Variants in LCA5L observed in about 807,000 individuals in gnomAD.
LCA5L encodes the protein lebercilin LCA5 like.
A neutral mutation model predicts 45.4 loss-of-function variants in LCA5L; 35 were observed. The ratio of observed to expected loss-of-function variants is 0.77; its 90% CI spans 0.59 to 1.02. The LOEUF is 1.02. Ranked by LOEUF, LCA5L falls within the 50% of genes least tolerant of loss-of-function variation. The probability of loss-of-function intolerance (pLI) is 0.00; values close to 1 mark genes in which losing one functional copy is unlikely to be tolerated. For synonymous variants in LCA5L, 233 were observed against 264.7 expected (o/e 0.88, Z 1.16); for missense variants, 668 against 761.6 (o/e 0.88, Z 1.45).
At chr21:39,435,932 C>T (rs1209333805) in intron 2 of LCA5L, among the ~76,000 whole-genome samples, 2 of 152,152 alleles carry the variant, frequency 1.3e-5, no homozygotes, top group African/African-American at 4.8e-5. Context: ...GCTACTGCAC[C>T]TGGCCACAGG....
intron 2 of LCA5L, among the ~76,000 whole-genome samples, chr21:39,442,774 G>A (rs1393009169): frequency 6.6e-6 from 1 of 152,256 alleles, no homozygotes; most frequent in African/African-American, 2.4e-5. Flanking sequence ...ACACTGTCAC[G>A]CAGCTAGCTG....
intron 7 of LCA5L, among the ~76,000 whole-genome samples, chr21:39,415,621 A>G (rs935204430): frequency 6.6e-6 from 1 of 152,174 alleles, no homozygotes; most frequent in Non-Finnish European, 1.5e-5. Flanking sequence ...CACATAATCA[A>G]ATATCCAGTT....
At chr21:39,429,971 C>T (rs2075497199) in intron 3 of LCA5L, among the ~76,000 whole-genome samples, 1 of 152,080 alleles carries the variant, frequency 6.6e-6, no homozygotes, top group South Asian at 2.1e-4. Flanking sequence ...GCTGTGATCG[C>T]GGCACTGCAT....
chr21:39,443,527 T>C (rs918716991), intron 2 of LCA5L: 1 of 152,226 alleles, frequency 6.6e-6, no homozygotes, highest in African/African-American at 2.4e-5. Flanking sequence ...AGCTGAAGAA[T>C]GAGGGGATTC....
chr21:39,429,202 C>A lies in LCA5L; in HGVS notation c.-82G>T, dbSNP rs2075374615. 1 of 152,154 alleles carries A rather than the reference C, an allele frequency of 6.6e-6. No homozygotes were observed. Among genetic ancestry groups the A allele is most frequent in the African/African-American group, 2.4e-5 (1 of 41,446 alleles). The allele number at this position is 152,154 out of a possible 1,614,324, so 9.4% of individuals were successfully genotyped here. A position where few individuals can be genotyped will look rare whatever the true frequency, so the allele number is the denominator to read the frequency against. ...AAAGGATTTACCTTTTCATTTAATTCTCAATTCTCCTGTTTTATCAAGAAA... is the reference window on the plus strand; with the variant it reads ...AAAGGATTTACCTTTTCATTTAATTATCAATTCTCCTGTTTTATCAAGAAA... On this transcript the variant is annotated 5_prime_UTR_variant, in exon 4 of 11. Coordinates refer to ENST00000288350, the MANE Select transcript of LCA5L (RefSeq NM_152505.4).
At chr21:39,424,390 A>G (rs1227868756) in intron 5 of LCA5L, among the ~76,000 whole-genome samples, 7 of 152,136 alleles carry the variant, frequency 4.6e-5, no homozygotes, top group African/African-American at 1.7e-4. Flanking sequence ...CCTTGGCGGG[A>G]GGATCCCTTG....
At chr21:39,422,898 G>C (rs774851605) in intron 6 of LCA5L, 78 bp downstream of exon 6, 1 of 1,280,898 alleles carries the variant, frequency 7.8e-7, no homozygotes, top group Non-Finnish European at 1.1e-6. Flanking sequence ...TTACAGAGGG[G>C]GCGCATCCAT....
At chr21:39,407,499 C>T (rs140843048) in intron 10 of LCA5L, among the ~76,000 whole-genome samples, 2 of 152,246 alleles carry the variant, frequency 1.3e-5, no homozygotes, top group East Asian at 3.9e-4. Context: ...ATAAGTGCAA[C>T]GATGTTCACT....
rs181163211 is a variant in LCA5L, at chr21:39,413,442, A to G, written c.976-1640T>C. Among the ~76,000 whole-genome samples, 323 of 152,332 alleles carry G rather than the reference A, an allele frequency of 2.1e-3. 1 individual carries two copies. Among genetic ancestry groups the G allele is most frequent in the South Asian group, 6.8e-3 (33 of 4,830 alleles). ...CCTAATTTGTGGGACTGGGGCTCAT[A>G]AGGAAGTATGGCTTAGTTACAGAAA... On this transcript the variant is annotated intron_variant, in intron 7 of 10. Transcript: ENST00000288350.
intron 2 of LCA5L, chr21:39,438,776 G>C (rs2076528449): frequency 7.0e-6 from 1 of 142,074 alleles, no homozygotes; most frequent in Admixed American, 6.8e-5. Flanking sequence ...TATTATAACT[G>C]TGATGAATAC....
rs142268516 is a variant in LCA5L at position 39,431,806 on chromosome 21, G to A, written c.-91-2595C>T. 6.3e-3 allele frequency among the ~76,000 whole-genome samples: 965 copies of A among 152,240 alleles called. 12 individuals carry two copies. Among genetic ancestry groups the A allele is most frequent in the African/African-American group, 0.019 (782 of 41,532 alleles). On this transcript the variant is annotated intron_variant, in intron 3 of 10. Coordinates refer to ENST00000288350, the MANE Select transcript of LCA5L (RefSeq NM_152505.4). ...GCTGGGATTACAGGTGTAAGCCAGCGCGCCTGGCCTGCCATAAATTTTCTA... is the reference window on the plus strand; with the variant it reads ...GCTGGGATTACAGGTGTAAGCCAGCACGCCTGGCCTGCCATAAATTTTCTA...
chr21:39,422,168 C>T (rs1005525548), intron 6 of LCA5L: 1 of 152,262 alleles, frequency 6.6e-6, no homozygotes, highest in Admixed American at 6.5e-5. Flanking sequence ...GTGGAGGAAA[C>T]GAACCTGATA....
At chr21:39,407,585 G>A (rs1001549347) in intron 10 of LCA5L, among the ~76,000 whole-genome samples, 9 of 152,188 alleles carry the variant, frequency 5.9e-5, no homozygotes, top group African/African-American at 2.2e-4. Context: ...TATGGCACGT[G>A]CAGTCTGTGG....
chr21:39,424,996 T>C (rs545918133), intron 5 of LCA5L, among the ~76,000 whole-genome samples: 1 of 152,360 alleles, frequency 6.6e-6, no homozygotes, highest in African/African-American at 2.4e-5. Context: ...CCATTGTCTA[T>C]GTGCCTATGC....
intron 7 of LCA5L, among the ~76,000 whole-genome samples, chr21:39,419,744 T>C (rs1008053718): frequency 1.3e-5 from 2 of 151,964 alleles, no homozygotes; most frequent in Non-Finnish European, 2.9e-5. Flanking sequence ...AATAAAAAAG[T>C]TAAAGATCCT....
chr21:39,438,198 CACAA>C (rs2076470136), intron 2 of LCA5L, among the ~76,000 whole-genome samples: 2 of 152,068 alleles, frequency 1.3e-5, no homozygotes, highest in African/African-American at 4.8e-5. Context: ...GAAACAGAAA[CACAA>C]ACAAATACAT....
chr21:39,410,433 C>T, intron 8 of LCA5L, 66 bp from the exon 9 acceptor site: 1 of 833,922 alleles, frequency 1.2e-6, no homozygotes, highest in Non-Finnish European at 1.9e-6. Context: ...TGATTTTAAA[C>T]ATAAAATAAC....
chr21:39,415,867 TCCTCTCC>T (rs1412206051), intron 7 of LCA5L, among the ~76,000 whole-genome samples: 2 of 152,188 alleles, frequency 1.3e-5, no homozygotes, highest in African/African-American at 4.8e-5. Flanking sequence ...CTGAGCATGT[TCCTCTCC>T]CCTCTTCTTT....
intron 5 of LCA5L, among the ~76,000 whole-genome samples, chr21:39,427,331 A>G (rs905457657): frequency 6.6e-6 from 1 of 152,178 alleles, no homozygotes; most frequent in African/African-American, 2.4e-5. Context: ...GCTAATTCCA[A>G]TTTGGACAGC....
Sources: allele counts gnomAD v4.1 joint callset (sites outside exome capture counted in the v4.1 genomes callset), GRCh38; gene constraint gnomAD v4.1.1; transcripts MANE v1.5; gene names NCBI Gene and HGNC (gene_info 2026-07-23, HGNC 2026-07-21).